The following EPS8 variants were observed in gnomAD, a reference collection of about 807,000 sequenced individuals.
EPS8 encodes the protein epidermal growth factor receptor kinase substrate 8.
Under a neutral mutation model 103.8 loss-of-function variants are expected in EPS8, and 42 were observed. The ratio of observed to expected loss-of-function variants is 0.40; its 90% CI spans 0.32 to 0.52. The LOEUF (loss-of-function observed/expected upper bound fraction) is 0.52, where lower values mean the gene tolerates loss of function less well. Among genes scored for constraint, EPS8 ranks in the 20% least tolerant of loss-of-function variants. The pLI is 0.40. For missense variants in EPS8, 969 were observed against 1,005.1 expected (o/e 0.96, Z 0.49); for synonymous variants, 344 against 344.6 (o/e 1.00, Z 0.02).
At chr12:15,654,320 AG>A (rs1945470663) in intron 12 of EPS8, 27 bp from the exon 13 acceptor site, 1 of 1,605,508 alleles carries the variant, frequency 6.2e-7, no homozygotes, top group South Asian at 1.1e-5. Context: ...TTTTTTAGCA[AG>A]AAGATTACTA....
chr12:15,699,691 C>T (rs1010068516), intron 1 of EPS8, among the ~76,000 whole-genome samples: 4 of 152,160 alleles, frequency 2.6e-5, no homozygotes, highest in Admixed American at 2.6e-4. Flanking sequence ...TTCCAGTAAT[C>T]CATATTCTCT....
intron 16 of EPS8, 50 bp from the exon 17 acceptor site, chr12:15,640,896 T>A: frequency 1.3e-6 from 2 of 1,578,020 alleles, no homozygotes; most frequent in Non-Finnish European, 1.7e-6. Context: ...AAAGCCATTC[T>A]ACGAAAGAAG....
intron 12 of EPS8, chr12:15,657,777 A>G: frequency 8.0e-6 from 2 of 249,052 alleles, no homozygotes; most frequent in Non-Finnish European, 1.5e-5. Context: ...TATTCAAGGC[A>G]CTGGATATTA....
chr12:15,678,984 A>T (rs1291101067), intron 3 of EPS8, among the ~76,000 whole-genome samples: 2 of 151,492 alleles, frequency 1.3e-5, no homozygotes, highest in Non-Finnish European at 2.9e-5. Flanking sequence ...AGTTGCTTCT[A>T]ATACAACATA....
intron 1 of EPS8, among the ~76,000 whole-genome samples, chr12:15,742,727 ACT>A (rs1489528617): frequency 6.6e-6 from 1 of 152,058 alleles, no homozygotes; most frequent in Admixed American, 6.6e-5. Context: ...CATGCTAAAA[ACT>A]CTCAATTAAC....
Position 15,736,557 on chromosome 12 carries a change from T to G in EPS8, c.-22+52604A>C, listed in dbSNP as rs1283843642. 6.6e-6 allele frequency among the ~76,000 whole-genome samples: 1 copy of G among 152,222 alleles called. No individual in the cohort carries two copies. Among genetic ancestry groups the G allele is most frequent in the African/African-American group, 2.4e-5 (1 of 41,460 alleles). ...TCACAGAAGATGCCCTCAAGCTTGG[T>G]TAAGATCTTATTAATAAATCTTTCT... On this transcript the variant is annotated intron_variant, in intron 1 of 20. Transcript: ENST00000281172. The surrounding 1 kb of genome is among the most constrained non-coding windows in gnomAD (Gnocchi z 4.2).
chr12:15,686,478 G>A (rs1189686725), intron 1 of EPS8, among the ~76,000 whole-genome samples: 2 of 151,982 alleles, frequency 1.3e-5, no homozygotes, highest in African/African-American at 4.8e-5. Flanking sequence ...TTAGTAAGTC[G>A]TAGTTACTAT....
In EPS8 at chr12:15,764,921, T is replaced by G. The variant is rs1947077912; in HGVS notation, c.-22+24240A>C. ...ATCAATGTCAAGTACAATATCACTC[T>G]CCAAAAACAGAAGACCATTAATCAT... On this transcript the variant is annotated intron_variant, in intron 1 of 20. Coordinates refer to ENST00000281172, the MANE Select transcript of EPS8 (RefSeq NM_004447.6). The surrounding 1 kb of genome is among the most constrained non-coding windows in gnomAD (Gnocchi z 4.1). Among the ~76,000 whole-genome samples, 1 of 152,176 alleles carries G rather than the reference T, an allele frequency of 6.6e-6. No homozygotes were observed. Among genetic ancestry groups the G allele is most frequent in the African/African-American group, 2.4e-5 (1 of 41,442 alleles).
intron 17 of EPS8, among the ~76,000 whole-genome samples, chr12:15,635,644 G>C (rs1326669890): frequency 6.6e-6 from 1 of 152,062 alleles, no homozygotes; most frequent in Non-Finnish European, 1.5e-5. Context: ...TTATTTTAGG[G>C]TGATTTAAAC....
chr12:15,681,058 G>A (rs1273349470), intron 3 of EPS8, among the ~76,000 whole-genome samples, 168 bp downstream of exon 3: 2 of 152,002 alleles, frequency 1.3e-5, no homozygotes, highest in Admixed American at 6.6e-5. Context: ...AGAGTTCATG[G>A]CTTTGGTAGT....
intron 17 of EPS8, 75 bp downstream of exon 17, chr12:15,640,628 G>A (rs1462225670): frequency 2.3e-6 from 3 of 1,323,000 alleles, no homozygotes; most frequent in African/African-American, 1.5e-5. Flanking sequence ...ATACACAAAG[G>A]TGTTTAAATC....
In EPS8 at chr12:15,644,422, T is replaced by C. The variant is rs142483926; in HGVS notation, c.1569-2592A>G. Among the ~76,000 whole-genome samples the C allele has an allele frequency of 1.2e-4, 19 of 152,104 alleles. No homozygotes were observed. The East Asian group carries it at 3.7e-3, about 29-fold the overall frequency. On this transcript the variant is annotated intron_variant, in intron 15 of 20. Coordinates refer to ENST00000281172, the MANE Select transcript of EPS8 (RefSeq NM_004447.6). The stretch of plus-strand genomic sequence containing the variant: ...ATTAAACTGTTAAATTTGCCAGGCG[T>C]GGTGGCTCACGCCTGTAATCCCAGC...
chr12:15,747,343 A>G lies in EPS8; in HGVS notation c.-22+41818T>C, dbSNP rs1188229434. ...CTGAAGTGGATACTATATATAGCTAATATGGTTATCAGAAAGTGCTTAATC... is the reference window on the plus strand; with the variant it reads ...CTGAAGTGGATACTATATATAGCTAGTATGGTTATCAGAAAGTGCTTAATC... On this transcript the variant is annotated intron_variant, in intron 1 of 20. Transcript: ENST00000281172. The surrounding 1 kb of genome is among the most constrained non-coding windows in gnomAD (Gnocchi z 4.4). Among the ~76,000 whole-genome samples, 1 of 152,208 alleles carries G rather than the reference A, an allele frequency of 6.6e-6. No homozygotes were observed. The highest frequency in any genetic ancestry group is 1.5e-5 in the Non-Finnish European group (1 of 68,042).
chr12:15,759,985 TA>T lies in EPS8; in HGVS notation c.-22+29175del, dbSNP rs1947024269. On this transcript the variant is annotated intron_variant, in intron 1 of 20. Transcript: ENST00000281172. The surrounding 1 kb of genome is among the most constrained non-coding windows in gnomAD (Gnocchi z 4.9). ...AGATCAGAGCAGAAATAAGAGAAAT[TA>T]AAAAGAAGAAAATATAAAAAAAATC... Among the ~76,000 whole-genome samples the T allele has an allele frequency of 6.6e-6, 1 of 151,076 alleles. No individual in the cohort carries two copies. The highest frequency in any genetic ancestry group is 2.4e-5 in the African/African-American group (1 of 41,198).
chr12:15,711,939 C>T (rs1946470950), intron 1 of EPS8, among the ~76,000 whole-genome samples: 1 of 152,142 alleles, frequency 6.6e-6, no homozygotes, highest in African/African-American at 2.4e-5. Flanking sequence ...TATTTTTGCT[C>T]TCTATCTAGT....
chr12:15,718,763 TG>T (rs1946560599), intron 1 of EPS8, among the ~76,000 whole-genome samples: 1 of 152,066 alleles, frequency 6.6e-6, no homozygotes. Context: ...AAACCTACAA[TG>T]TCCTCAAAGC....
Position 15,745,594 on chromosome 12 carries a change from G to T in EPS8, c.-22+43567C>A, listed in dbSNP as rs916135226. ...AAAAATTCTTTAAACCACAGAAAAA[G>T]AAATCACTTTTATTTTGTCAGGTGA... On this transcript the variant is annotated intron_variant, in intron 1 of 20. Coordinates refer to ENST00000281172, the MANE Select transcript of EPS8 (RefSeq NM_004447.6). This position sits in a 1 kb window ranked among gnomAD's most constrained non-coding sequence, Gnocchi z 4.6. Among the ~76,000 whole-genome samples, 10 of 149,304 alleles carry T rather than the reference G, an allele frequency of 6.7e-5. No individual in the cohort carries two copies. Among genetic ancestry groups the T allele is most frequent in the African/African-American group, 2.2e-4 (9 of 40,562 alleles).
chr12:15,675,629 A>G (rs1043028152), intron 3 of EPS8, among the ~76,000 whole-genome samples: 3 of 152,164 alleles, frequency 2.0e-5, no homozygotes, highest in African/African-American at 7.2e-5. Flanking sequence ...GACTTAAAAG[A>G]GTACCTTTCT....
chr12:15,700,780 A>G lies in EPS8; in HGVS notation c.-21-17808T>C, dbSNP rs1196603528. ...TACTATGCTCTGACTCACCAAGACC[A>G]CTTCCTGAAACACCCAATGTTTTTC... On this transcript the variant is annotated intron_variant, in intron 1 of 20. Transcript: ENST00000281172. This position sits in a 1 kb window ranked among gnomAD's most constrained non-coding sequence, Gnocchi z 5.1. Among the ~76,000 whole-genome samples, 1 of 152,194 alleles carries G rather than the reference A, an allele frequency of 6.6e-6. No individual in the cohort carries two copies. The highest frequency in any genetic ancestry group is 2.4e-5 in the African/African-American group (1 of 41,452).
Sources: gnomAD v4.1 joint callset for allele counts (sites outside exome capture counted in the v4.1 genomes callset) on GRCh38, gnomAD v4.1.1 for gene constraint, Gnocchi (gnomAD v3.1) non-coding constraint, MANE v1.5 for transcripts, NCBI Gene and HGNC (gene_info 2026-07-23, HGNC 2026-07-21) for gene names.